Variants in FSTL5 observed in about 807,000 individuals in gnomAD.
FSTL5 encodes the protein follistatin-related protein 5.
A neutral mutation model predicts 89.1 loss-of-function variants in FSTL5; 62 were observed. The observed-to-expected ratio is 0.70, with a 90% CI of 0.57 to 0.86. The LOEUF (loss-of-function observed/expected upper bound fraction) is 0.86, where lower values mean the gene tolerates loss of function less well. Ranked by LOEUF, FSTL5 falls within the 40% of genes least tolerant of loss-of-function variation. The pLI, the probability that FSTL5 is intolerant of heterozygous loss-of-function variation, is 0.00. For missense variants in FSTL5, 1,057 were observed against 1,001.6 expected (o/e 1.06, Z -0.75); for synonymous variants, 383 against 346.2 (o/e 1.11, Z -1.18).
chr4:161,898,322 T>C lies in FSTL5; in HGVS notation c.409+22082A>G, dbSNP rs1733236641. 2.0e-5 allele frequency among the ~76,000 whole-genome samples: 3 copies of C among 151,756 alleles called. No individual in the cohort carries two copies. The South Asian group carries it at 6.2e-4, about 31-fold the overall frequency. On this transcript the variant is annotated intron_variant, in intron 4 of 15. Transcript: ENST00000306100. ...GAAAAAATCTTCATCGCATTCAATT[T>C]AGGATAATTTTGAATAAAACTGCTA...
chr4:161,749,407 A>T (rs1231824794), intron 6 of FSTL5, among the ~76,000 whole-genome samples: 1 of 152,208 alleles, frequency 6.6e-6, no homozygotes, highest in Non-Finnish European at 1.5e-5. Context: ...GTTGGATGCC[A>T]TTATCATAAG....
chr4:161,940,516 A>G (rs373573862), intron 3 of FSTL5, among the ~76,000 whole-genome samples: 33 of 151,796 alleles, frequency 2.2e-4, no homozygotes, highest in African/African-American at 8.0e-4. Context: ...GAAAACAGAG[A>G]GAAACAACTT....
intron 3 of FSTL5, among the ~76,000 whole-genome samples, chr4:161,981,590 A>C (rs1735828706): frequency 6.6e-6 from 1 of 152,276 alleles, no homozygotes; most frequent in East Asian, 1.9e-4. Context: ...TGATAAGGGC[A>C]TTATACTTTC....
At chr4:162,141,820 T>G (rs1393249701) in intron 1 of FSTL5, among the ~76,000 whole-genome samples, 1 of 151,836 alleles carries the variant, frequency 6.6e-6, no homozygotes, top group East Asian at 1.9e-4. Context: ...AAGCCGCAAA[T>G]AGCAAGTATT....
chr4:161,402,960 T>A (rs1731232946), intron 15 of FSTL5, among the ~76,000 whole-genome samples: 1 of 151,992 alleles, frequency 6.6e-6, no homozygotes, highest in Non-Finnish European at 1.5e-5. Flanking sequence ...TAGCGGGGAC[T>A]ACAGGTGCCT....
chr4:161,713,539 C>T (rs989873074), intron 6 of FSTL5, among the ~76,000 whole-genome samples: 1 of 152,156 alleles, frequency 6.6e-6, no homozygotes, highest in Non-Finnish European at 1.5e-5. Context: ...ACAGAACACA[C>T]TTTAACTGTT....
At chr4:161,705,495 A>G (rs1309013326) in intron 6 of FSTL5, among the ~76,000 whole-genome samples, 1 of 152,104 alleles carries the variant, frequency 6.6e-6, no homozygotes, top group Non-Finnish European at 1.5e-5. Context: ...AAGTGGCCTC[A>G]GTTCAAATTG....
chr4:161,385,785 C>G lies in FSTL5; in HGVS notation c.2506G>C (p.Glu836Gln). 4 of 1,605,338 alleles carry G rather than the reference C, an allele frequency of 2.5e-6. No homozygotes were observed. Among genetic ancestry groups the G allele is most frequent in the Non-Finnish European group, 3.4e-6 (4 of 1,177,392 alleles). The change falls in exon 16 of 16, where the codon GAA becomes CAA. Residue 836 changes from glutamate to glutamine, a missense_variant. Transcript: ENST00000306100. ...NKLNCEITEV[E>Q]KGNTVIWVGD... ...ACCCAAATGACTGTATTTCCTTTTT[C>G]AACTTCAGTGATCTCACAGTTTAAT...
In FSTL5 at chr4:161,961,334, A is replaced by G. The variant is rs1407026154; in HGVS notation, c.161-40682T>C. Among the ~76,000 whole-genome samples the G allele has an allele frequency of 2.6e-5, 4 of 152,048 alleles. No homozygotes were observed. In the East Asian group the frequency reaches 7.8e-4, roughly 30 times the overall value. ...CCTAAGTTGCCCAGGCTGGTCTCCAACGTCTAGTCTCTACTGATCCTCCCA... is the reference window on the plus strand; with the variant it reads ...CCTAAGTTGCCCAGGCTGGTCTCCAGCGTCTAGTCTCTACTGATCCTCCCA... On this transcript the variant is annotated intron_variant, in intron 3 of 15. Transcript: ENST00000306100.
chr4:162,051,631 T>C (rs1331979030), intron 2 of FSTL5, among the ~76,000 whole-genome samples: 5 of 151,560 alleles, frequency 3.3e-5, no homozygotes, highest in Non-Finnish European at 7.4e-5. Context: ...AAATTATACA[T>C]ATAATTTTAT....
chr4:161,489,812 C>T (rs532546527), intron 12 of FSTL5, among the ~76,000 whole-genome samples: 2 of 152,140 alleles, frequency 1.3e-5, no homozygotes, highest in East Asian at 3.9e-4. Flanking sequence ...TACAATTTTC[C>T]TGACAATAGA....
intron 10 of FSTL5, among the ~76,000 whole-genome samples, chr4:161,532,162 G>A (rs986264411): frequency 2.6e-4 from 39 of 150,488 alleles, no homozygotes; most frequent in Admixed American, 2.7e-4. Flanking sequence ...CGGAGATCAC[G>A]CCACTCCAGC....
intron 2 of FSTL5, among the ~76,000 whole-genome samples, chr4:162,092,175 T>C (rs1730575272): frequency 6.6e-6 from 1 of 152,038 alleles, no homozygotes; most frequent in South Asian, 2.1e-4. Context: ...TGGATTCCAG[T>C]TTTAGAACTG....
intron 6 of FSTL5, among the ~76,000 whole-genome samples, chr4:161,703,358 C>A (rs1738466818): frequency 1.3e-5 from 2 of 152,050 alleles, no homozygotes; most frequent in South Asian, 2.1e-4. Flanking sequence ...CTACGTAGTT[C>A]TCCTTCTATG....
At chr4:162,059,721 C>A (rs1738660367) in intron 2 of FSTL5, among the ~76,000 whole-genome samples, 2 of 151,980 alleles carry the variant, frequency 1.3e-5, no homozygotes, top group Non-Finnish European at 2.9e-5. Context: ...ATAACTCATA[C>A]AAATGAGAAA....
At chr4:162,075,288 G>C (rs768844999) in intron 2 of FSTL5, among the ~76,000 whole-genome samples, 2 of 151,840 alleles carry the variant, frequency 1.3e-5, no homozygotes, top group African/African-American at 2.4e-5. Context: ...TCAAGGGTTT[G>C]GATGTGAGTT....
At chr4:162,140,689 A>G (rs1401076831) in intron 1 of FSTL5, among the ~76,000 whole-genome samples, 1 of 152,202 alleles carries the variant, frequency 6.6e-6, no homozygotes, top group African/African-American at 2.4e-5. Flanking sequence ...AAAAGCAAGG[A>G]GATCAGTCTT....
intron 8 of FSTL5, among the ~76,000 whole-genome samples, chr4:161,580,709 C>T (rs555867350): frequency 1.0e-3 from 156 of 152,244 alleles, no homozygotes; most frequent in African/African-American, 3.3e-3. Flanking sequence ...ACATCAACTC[C>T]CTGGCATATT....
chr4:161,664,614 C>T (rs1326666565), intron 6 of FSTL5, among the ~76,000 whole-genome samples: 1 of 152,170 alleles, frequency 6.6e-6, no homozygotes, highest in Non-Finnish European at 1.5e-5. Context: ...CAAACTTTCT[C>T]ACATTTTTCT....
Sources: gnomAD v4.1 joint callset for allele counts (sites outside exome capture counted in the v4.1 genomes callset) on GRCh38, gnomAD v4.1.1 for gene constraint, MANE v1.5 for transcripts, NCBI Gene and HGNC (gene_info 2026-07-23, HGNC 2026-07-21) for gene names.